The following PSAT1 variants were observed in gnomAD, a reference collection of about 807,000 sequenced individuals.
PSAT1 encodes phosphoserine aminotransferase.
PSAT1 carries 41 observed loss-of-function variants against 40.3 expected under a neutral mutation model. The ratio of observed to expected loss-of-function variants is 1.02; its 90% CI spans 0.79 to 1.32. The LOEUF (loss-of-function observed/expected upper bound fraction) is 1.32, where lower values mean the gene tolerates loss of function less well. Ranked by LOEUF, PSAT1 falls within the 40% of genes most tolerant of loss-of-function variation. The probability of loss-of-function intolerance (pLI) is 0.00; values close to 1 mark genes in which losing one functional copy is unlikely to be tolerated. For missense variants in PSAT1, 406 were observed against 455.8 expected, an observed-to-expected ratio of 0.89 and a Z score of 0.99; for synonymous variants, 147 against 170.5, an observed-to-expected ratio of 0.86 and a Z score of 1.07.
At chr9:78,317,859 A>T (rs1828372360) in intron 7 of PSAT1, 55 bp downstream of exon 7, 11 of 1,574,024 alleles carry the variant, frequency 7.0e-6, no homozygotes, top group Non-Finnish European at 9.6e-6. Context: ...AAAACTGTGT[A>T]TATACTGTGT....
In PSAT1 at chr9:78,304,718, C is replaced by A. The variant is rs757453037; in HGVS notation, c.192-17C>A. ...ACATGAGTTTATGTATTGACTGTTA[C>A]CTATGCTTCTGCCCAGAGCTGTTCC... On this transcript the variant is annotated splice_polypyrimidine_tract_variant and intron_variant, in intron 3 of 8. Transcript: ENST00000376588. The A allele has an allele frequency of 2.5e-6, 4 of 1,600,180 alleles. No individual in the cohort carries two copies. The highest frequency in any genetic ancestry group is 1.1e-5 in the South Asian group (1 of 90,788).
At chr9:78,299,285 T>C (rs1828073242) in intron 1 of PSAT1, among the ~76,000 whole-genome samples, 1 of 151,920 alleles carries the variant, frequency 6.6e-6, no homozygotes. Flanking sequence ...GTAATTATTT[T>C]GGTTATAAAC....
chr9:78,322,852 A>G (rs192221616), intron 7 of PSAT1, among the ~76,000 whole-genome samples: 8 of 152,286 alleles, frequency 5.3e-5, no homozygotes, highest in Admixed American at 5.2e-4. Flanking sequence ...TTTCATCTGC[A>G]TACATTAAAA....
At chr9:78,325,817 C>G (rs764991076) in intron 7 of PSAT1, among the ~76,000 whole-genome samples, 2 of 152,186 alleles carry the variant, frequency 1.3e-5, no homozygotes, top group African/African-American at 2.4e-5. Flanking sequence ...TAATTTCTCA[C>G]TTTTATGACA....
intron 5 of PSAT1, among the ~76,000 whole-genome samples, chr9:78,308,193 A>T (rs1828213024): frequency 6.6e-6 from 1 of 152,232 alleles, no homozygotes; most frequent in South Asian, 2.1e-4. Flanking sequence ...GGTTAGCCCC[A>T]TCCAGGTGAG....
At position 78,306,430 on chromosome 9, in the gene PSAT1, G is replaced by T. The variant is rs778210369; in HGVS notation, c.514G>T (p.Val172Leu). 5.6e-6 allele frequency: 9 copies of T among 1,614,210 alleles called. 1 individual carries two copies. The South Asian group carries it at 9.9e-5, about 18-fold the overall frequency. Residue 172 changes from valine to leucine, a missense_variant, in exon 5 of 9, where the codon GTA becomes TTA. Val to Leu is a conservative substitution (Grantham distance 32). Transcript: ENST00000376588. ...CTTTATACCCGATGTCAAGGGAGCA[G>T]TACTGGTTTGTGACATGTCCTCAAA... ...FDFIPDVKGA[V>L]LVCDMSSNFL...
At chr9:78,308,629 AT>A in intron 6 of PSAT1, 46 bp downstream of exon 6, 1 of 1,602,534 alleles carries the variant, frequency 6.2e-7, no homozygotes. Flanking sequence ...GGGTCTCACT[AT>A]TTTTCATCAA....
chr9:78,325,597 C>A (rs1033296350), intron 7 of PSAT1, among the ~76,000 whole-genome samples: 44 of 152,364 alleles, frequency 2.9e-4, no homozygotes, highest in African/African-American at 9.1e-4. Flanking sequence ...AACCTTGCCG[C>A]TGCTGAATTC....
chr9:78,316,388 T>G (rs899461024), intron 6 of PSAT1, among the ~76,000 whole-genome samples: 1 of 152,186 alleles, frequency 6.6e-6, no homozygotes, highest in East Asian at 1.9e-4. Flanking sequence ...AGCGGGAATG[T>G]TGGCTTCATT....
intron 5 of PSAT1, among the ~76,000 whole-genome samples, chr9:78,307,381 A>G (rs72743783): frequency 6.6e-6 from 1 of 152,244 alleles, no homozygotes; most frequent in Non-Finnish European, 1.5e-5. Flanking sequence ...AGGTTCGTCC[A>G]TGTTGTACTG....
At position 78,329,071 on chromosome 9, in the gene PSAT1, G is replaced by C. The variant is rs751244621; in HGVS notation, c.1098G>C (p.Glu366Asp). The part of the protein sequence containing the change: ...KLAAFMKKFL[E>D]MHQL Reference sequence around the variant, plus strand: ...CCGCCTTCATGAAAAAATTTTTGGAGATGCATCAGCTATGAACACATCCTA... The same window carrying C: ...CCGCCTTCATGAAAAAATTTTTGGACATGCATCAGCTATGAACACATCCTA... Residue 366 changes from glutamate to aspartate, a missense_variant, in exon 9 of 9, where the codon GAG (glutamate) becomes GAC (aspartate). Physicochemically the swap from Glu to Asp is conservative, Grantham distance 45. Coordinates refer to ENST00000376588, the MANE Select transcript of PSAT1 (RefSeq NM_058179.4). 1.2e-5 allele frequency: 20 copies of C among 1,610,826 alleles called. No individual in the cohort carries two copies. The highest frequency in any genetic ancestry group is 2.1e-4 in the Middle Eastern group (1 of 4,756).
intron 6 of PSAT1, among the ~76,000 whole-genome samples, chr9:78,317,323 G>A (rs768657034): frequency 4.1e-4 from 62 of 152,216 alleles, no homozygotes; most frequent in Non-Finnish European, 5.4e-4. Context: ...TGTGATCATA[G>A]CTCACTGCAG....
rs889437649 is a variant in PSAT1 at position 78,329,869 on chromosome 9, C to A, written c.*783C>A. 1 of 152,138 alleles carries A rather than the reference C, an allele frequency of 6.6e-6. No individual in the cohort carries two copies. The highest frequency in any genetic ancestry group is 2.4e-5 in the African/African-American group (1 of 41,420). 9.4% of individuals were successfully genotyped at this position (152,138 alleles called of 1,614,324 possible). A position where few individuals can be genotyped will look rare whatever the true frequency, so the allele number is the denominator to read the frequency against. ...AAGTTCTTGATTCATTTTTACCATTCTTTCCATAGGTAGAAGAGAAAGTTG... is the reference window on the plus strand; with the variant it reads ...AAGTTCTTGATTCATTTTTACCATTATTTCCATAGGTAGAAGAGAAAGTTG... On this transcript the variant is annotated 3_prime_UTR_variant, in exon 9 of 9. Transcript: ENST00000376588.
chr9:78,301,088 G>A (rs767656146), intron 2 of PSAT1, among the ~76,000 whole-genome samples: 1 of 152,006 alleles, frequency 6.6e-6, no homozygotes, highest in Non-Finnish European at 1.5e-5. Flanking sequence ...AGGGCCTATA[G>A]GGTCTTCCTA....
At chr9:78,311,889 A>G (rs1366188522) in intron 6 of PSAT1, among the ~76,000 whole-genome samples, 1 of 152,026 alleles carries the variant, frequency 6.6e-6, no homozygotes. Context: ...TTAGAAAATC[A>G]TTGCTCACCC....
intron 6 of PSAT1, among the ~76,000 whole-genome samples, chr9:78,310,960 A>G (rs987024186): frequency 3.9e-5 from 6 of 152,088 alleles, no homozygotes; most frequent in Non-Finnish European, 8.8e-5. Context: ...GCTTGGTCAC[A>G]CGATGCAGAG....
intron 7 of PSAT1, among the ~76,000 whole-genome samples, chr9:78,319,981 C>T (rs1433025029): frequency 2.6e-5 from 3 of 116,168 alleles, no homozygotes; most frequent in African/African-American, 7.6e-5. Flanking sequence ...TCCATCCACT[C>T]ATTCACTCAT....
intron 1 of PSAT1, chr9:78,298,452 G>A: frequency 2.0e-6 from 2 of 984,556 alleles, no homozygotes; most frequent in Non-Finnish European, 2.4e-6. Flanking sequence ...TTTTCTAGGG[G>A]CAGCGCTCAC....
rs780405389 is a variant in PSAT1, at chr9:78,328,191, G to A, written c.1007+3G>A. ...ATGTTGTCCTTGAAAGGGCATAGGT[G>A]AGTACATCTGCAATGCACGAGCTTG... On this transcript the variant is annotated splice_donor_region_variant and intron_variant, in intron 8 of 8. Coordinates refer to ENST00000376588, the MANE Select transcript of PSAT1 (RefSeq NM_058179.4). 6.2e-7 allele frequency: 1 copy of A among 1,613,986 alleles called. No homozygotes were observed. The highest frequency in any genetic ancestry group is 8.5e-7 in the Non-Finnish European group (1 of 1,180,020).
Sources: allele counts gnomAD v4.1 joint callset (sites outside exome capture counted in the v4.1 genomes callset), GRCh38; gene constraint gnomAD v4.1.1; transcripts MANE v1.5; gene names NCBI Gene and HGNC (gene_info 2026-07-23, HGNC 2026-07-21).